The following ZDHHC15 variants were observed in gnomAD, a reference collection of about 807,000 sequenced individuals.
ZDHHC15 encodes the protein zDHHC palmitoyltransferase 15, also known as palmitoyltransferase ZDHHC15.
ZDHHC15 carries 19 observed loss-of-function variants against 31.7 expected under a neutral mutation model. The observed-to-expected ratio is 0.60, with a 90% confidence interval of 0.42 to 0.88. The LOEUF (loss-of-function observed/expected upper bound fraction) is 0.88. Among genes scored for constraint, ZDHHC15 ranks in the 40% least tolerant of loss-of-function variants. The pLI, the probability that ZDHHC15 is intolerant of heterozygous loss-of-function variation, is 0.00. For missense variants in ZDHHC15, 209 were observed against 251.2 expected (o/e 0.83, Z 1.14); for synonymous variants, 103 against 90.0 (o/e 1.14, Z -0.82).
At chrX:75,438,534 C>T (rs2083894693) in intron 4 of ZDHHC15, among the ~76,000 whole-genome samples, 1 of 111,019 alleles carries the variant, frequency 9.0e-6, no homozygotes, top group Non-Finnish European at 1.9e-5. Context: ...ACTCCTGTAC[C>T]TTAAGTTTAT....
Position 75,430,569 on chromosome X carries a change from A to G in ZDHHC15, c.450-589T>C, listed in dbSNP as rs149767947. ...AGAAGAGATAAATGTCCCAAGCAAA[A>G]TAACTTGAAATAATTTGTGTAGATA... On this transcript the variant is annotated intron_variant, in intron 5 of 11. Coordinates refer to ENST00000373367, the MANE Select transcript of ZDHHC15 (RefSeq NM_144969.3). Among the ~76,000 whole-genome samples, 407 of 112,046 alleles carry G rather than the reference A, an allele frequency of 3.6e-3. 2 individuals carry two copies. Among genetic ancestry groups the G allele is most frequent in the African/African-American group, 0.013 (391 of 30,902 alleles).
chrX:75,516,311 C>T (rs1003997343), intron 1 of ZDHHC15, among the ~76,000 whole-genome samples: 4 of 112,107 alleles, frequency 3.6e-5, no homozygotes, highest in Non-Finnish European at 7.5e-5. Context: ...AAGCTGGAGG[C>T]ATCATGCTAC....
At chrX:75,517,210 T>C (rs190015904) in intron 1 of ZDHHC15, among the ~76,000 whole-genome samples, 1 of 111,596 alleles carries the variant, frequency 9.0e-6, no homozygotes, top group African/African-American at 3.3e-5. Flanking sequence ...CTAGAAATAC[T>C]AATTGACCCA....
At chrX:75,422,123 G>T in intron 8 of ZDHHC15, 133 bp from the exon 9 acceptor site, 1 of 796,031 alleles carries the variant, frequency 1.3e-6, no homozygotes, top group Non-Finnish European at 1.7e-6. Flanking sequence ...TGGTAGCACA[G>T]ACCTCTCATT....
chrX:75,381,719 A>G (rs1029979370), intron 10 of ZDHHC15, among the ~76,000 whole-genome samples: 9 of 111,349 alleles, frequency 8.1e-5, no homozygotes, highest in African/African-American at 2.9e-4. Context: ...TGTCCACCCT[A>G]TGCTTCAGTG....
chrX:75,513,579 C>T (rs1311203644), intron 1 of ZDHHC15, among the ~76,000 whole-genome samples: 1 of 111,481 alleles, frequency 9.0e-6, no homozygotes, highest in African/African-American at 3.3e-5. Flanking sequence ...CTACACTCTA[C>T]TATATACAAT....
intron 4 of ZDHHC15, among the ~76,000 whole-genome samples, chrX:75,445,970 G>A (rs1424511521): frequency 1.8e-5 from 2 of 110,900 alleles, no homozygotes; most frequent in African/African-American, 6.6e-5. Context: ...ATTCTCCTCT[G>A]GACCCATCCC....
At chrX:75,520,885 G>T (rs1423418519) in intron 1 of ZDHHC15, among the ~76,000 whole-genome samples, 1 of 111,044 alleles carries the variant, frequency 9.0e-6, no homozygotes, top group Non-Finnish European at 1.9e-5. Flanking sequence ...GAGGTAATTA[G>T]AATTAGAATA....
chrX:75,469,094 T>C (rs934070201), intron 3 of ZDHHC15, among the ~76,000 whole-genome samples: 4 of 111,509 alleles, frequency 3.6e-5, no homozygotes, highest in Admixed American at 2.9e-4. Flanking sequence ...TATCCACTTT[T>C]TCTTTTATTA....
At chrX:75,449,987 T>A (rs2147907964) in intron 4 of ZDHHC15, among the ~76,000 whole-genome samples, 1 of 111,965 alleles carries the variant, frequency 8.9e-6, no homozygotes, top group African/African-American at 3.2e-5. Flanking sequence ...CACAGATACT[T>A]ATACAGTAAT....
At chrX:75,514,530 C>T (rs1403869665) in intron 1 of ZDHHC15, among the ~76,000 whole-genome samples, 2 of 111,758 alleles carry the variant, frequency 1.8e-5, no homozygotes, top group Admixed American at 1.9e-4. Flanking sequence ...GTTCATCTCA[C>T]TGGGACTGGT....
At chrX:75,474,828 C>T (rs1013690015) in intron 3 of ZDHHC15, among the ~76,000 whole-genome samples, 8 of 110,102 alleles carry the variant, frequency 7.3e-5, no homozygotes, top group Admixed American at 9.8e-5. Context: ...GAGGCCGAGA[C>T]GGGTGGATCA....
chrX:75,470,053 C>T (rs2084479568), intron 3 of ZDHHC15, among the ~76,000 whole-genome samples: 1 of 111,424 alleles, frequency 9.0e-6, no homozygotes, highest in Admixed American at 9.6e-5. Context: ...CTTGATTGGA[C>T]TGAGGGATGC....
At position 75,370,523 on chromosome X, in the gene ZDHHC15, C is replaced by CTTTTTTTTT. The variant is rs201758247; in HGVS notation, c.*2446_*2454dup. Reference sequence around the variant, plus strand: ...CCTGGTAAAACCCTGATTTATTTGGCTTTTTTTTTTTTTTTTTTTTTTTTT... The same window carrying CTTTTTTTTT: ...CCTGGTAAAACCCTGATTTATTTGGCTTTTTTTTTTTTTTTTTTTTTTTTTTTTTTTTTT... On this transcript the variant is annotated 3_prime_UTR_variant, in exon 12 of 12. Transcript: ENST00000373367. The CTTTTTTTTT allele has an allele frequency of 1.2e-5, 1 of 81,287 alleles. No homozygotes were observed. Among genetic ancestry groups the CTTTTTTTTT allele is most frequent in the African/African-American group, 5.2e-5 (1 of 19,113 alleles). 6.7% of individuals were successfully genotyped at this position (81,287 alleles called of 1,213,427 possible).
chrX:75,513,468 A>G (rs1300873503), intron 1 of ZDHHC15, among the ~76,000 whole-genome samples: 1 of 111,276 alleles, frequency 9.0e-6, no homozygotes, highest in Non-Finnish European at 1.9e-5. Context: ...TTGGTGAAGA[A>G]AAGAACTGAT....
chrX:75,436,978 T>C (rs1373456629), intron 4 of ZDHHC15, among the ~76,000 whole-genome samples: 1 of 111,921 alleles, frequency 8.9e-6, no homozygotes, highest in Non-Finnish European at 1.9e-5. Flanking sequence ...GCCTCCTGGG[T>C]TCACGCCATT....
intron 10 of ZDHHC15, among the ~76,000 whole-genome samples, chrX:75,385,535 C>T (rs2083170083): frequency 9.0e-6 from 1 of 111,589 alleles, no homozygotes; most frequent in South Asian, 3.7e-4. Context: ...CTACATGTAA[C>T]CCTGTTTTGA....
At chrX:75,444,089 G>A (rs763605044) in intron 4 of ZDHHC15, among the ~76,000 whole-genome samples, 28 of 110,211 alleles carry the variant, frequency 2.5e-4, no homozygotes, top group African/African-American at 8.2e-4. Flanking sequence ...AACTAGAAAT[G>A]CCATTTGACC....
intron 10 of ZDHHC15, among the ~76,000 whole-genome samples, chrX:75,401,169 T>C (rs1316070421): frequency 1.8e-5 from 2 of 110,234 alleles, no homozygotes; most frequent in East Asian, 5.7e-4. Context: ...TTTTTACAAA[T>C]TGGAGCACGG....
Sources: allele counts gnomAD v4.1 joint callset (sites outside exome capture counted in the v4.1 genomes callset), GRCh38; gene constraint gnomAD v4.1.1; transcripts MANE v1.5; gene names NCBI Gene and HGNC (gene_info 2026-07-23, HGNC 2026-07-21).